The following MAGI2 variants were observed in gnomAD, a reference collection of about 807,000 sequenced individuals.
MAGI2 encodes membrane associated guanylate kinase, WW and PDZ domain containing 2.
In MAGI2, 35 loss-of-function variants were observed where a neutral mutation model predicts 133.3. The observed-to-expected ratio is 0.26, with a 90% confidence interval of 0.20 to 0.35. MAGI2 has a LOEUF of 0.35. Ranked by LOEUF, MAGI2 falls within the 10% of genes least tolerant of loss-of-function variation. The pLI is 1.00. For missense variants in MAGI2, 1,636 were observed against 1,863.4 expected (o/e 0.88, Z 2.25); for synonymous variants, 729 against 710.6 (o/e 1.03, Z -0.41).
chr7:78,564,727 G>C (rs1584653927), intron 3 of MAGI2, among the ~76,000 whole-genome samples: 1 of 140,822 alleles, frequency 7.1e-6, no homozygotes. Context: ...TGAATTCCAA[G>C]TATAACATTA....
intron 12 of MAGI2, among the ~76,000 whole-genome samples, chr7:78,191,762 T>G (rs1828234685): frequency 6.6e-6 from 1 of 152,234 alleles, no homozygotes. Context: ...CCTGTCATGT[T>G]CTGTTTCACG....
intron 11 of MAGI2, among the ~76,000 whole-genome samples, chr7:78,198,594 G>C (rs772128603): frequency 7.8e-4 from 119 of 152,112 alleles, no homozygotes; most frequent in Non-Finnish European, 1.3e-3. Flanking sequence ...ACCATGCCCA[G>C]CTAGTTTTTG....
intron 2 of MAGI2, among the ~76,000 whole-genome samples, chr7:78,773,887 T>C (rs1825784210): frequency 6.6e-6 from 1 of 152,216 alleles, no homozygotes; most frequent in Admixed American, 6.5e-5. Flanking sequence ...TTTACAAAGA[T>C]TATTTTAGCA....
chr7:79,217,030 T>C (rs1388445243), intron 1 of MAGI2, among the ~76,000 whole-genome samples: 1 of 152,106 alleles, frequency 6.6e-6, no homozygotes, highest in Non-Finnish European at 1.5e-5. Flanking sequence ...TGTTAGACAG[T>C]TTATGATAAG....
chr7:78,396,897 G>A (rs1256040856), intron 6 of MAGI2, among the ~76,000 whole-genome samples: 1 of 152,026 alleles, frequency 6.6e-6, no homozygotes, highest in East Asian at 1.9e-4. Flanking sequence ...GTTCAATATC[G>A]GGTCGAGTGG....
intron 2 of MAGI2, among the ~76,000 whole-genome samples, chr7:78,872,109 A>G (rs1490194247): frequency 6.6e-6 from 1 of 151,820 alleles, no homozygotes; most frequent in African/African-American, 2.4e-5. Flanking sequence ...TCCAAAACAA[A>G]CAAACAAACA....
chr7:78,200,895 C>T (rs1829191134), intron 11 of MAGI2, among the ~76,000 whole-genome samples: 1 of 152,050 alleles, frequency 6.6e-6, no homozygotes, highest in South Asian at 2.1e-4. Context: ...AAAGTATTTT[C>T]ATTACATTAG....
At chr7:79,149,096 GTAATA>G (rs1294931698) in intron 1 of MAGI2, among the ~76,000 whole-genome samples, 22 of 141,202 alleles carry the variant, frequency 1.6e-4, no homozygotes, top group Admixed American at 5.1e-4. Context: ...ATTTTTATAT[GTAATA>G]TAATATATTA....
Position 78,966,140 on chromosome 7 carries a change from G to A in MAGI2, c.418+40950C>T, listed in dbSNP as rs549852693. Among the ~76,000 whole-genome samples, 8 of 152,182 alleles carry A rather than the reference G, an allele frequency of 5.3e-5. No homozygotes were observed. The South Asian group carries it at 1.2e-3, about 24-fold the overall frequency. ...GTGCTTAGGAGAGATAGAAATAACTGTTTTACAAAGCAAATATAAAACTTA... is the reference window on the plus strand; with the variant it reads ...GTGCTTAGGAGAGATAGAAATAACTATTTTACAAAGCAAATATAAAACTTA... On this transcript the variant is annotated intron_variant, in intron 2 of 21. Transcript: ENST00000354212.
intron 2 of MAGI2, among the ~76,000 whole-genome samples, chr7:78,808,419 G>A (rs1315429370): frequency 3.9e-5 from 6 of 151,994 alleles, no homozygotes; most frequent in Non-Finnish European, 2.9e-5. Context: ...ACCACGCCTG[G>A]CTAATTTTTT....
chr7:78,956,577 A>G (rs1802396981), intron 2 of MAGI2, among the ~76,000 whole-genome samples: 1 of 152,030 alleles, frequency 6.6e-6, no homozygotes, highest in Non-Finnish European at 1.5e-5. Context: ...CCTACATTCT[A>G]TTTTCTAAGT....
chr7:78,039,388 G>C (rs781667576), intron 21 of MAGI2, among the ~76,000 whole-genome samples: 7 of 152,250 alleles, frequency 4.6e-5, no homozygotes, highest in Admixed American at 1.3e-4. Flanking sequence ...TCAAGAGAGA[G>C]TCTGTGACTT....
At chr7:78,626,408 G>C (rs536113270) in intron 3 of MAGI2, among the ~76,000 whole-genome samples, 1 of 152,180 alleles carries the variant, frequency 6.6e-6, no homozygotes, top group East Asian at 1.9e-4. Context: ...TTACAGATGA[G>C]ACAACTAAGG....
intron 2 of MAGI2, among the ~76,000 whole-genome samples, chr7:78,882,909 C>T (rs1795987122): frequency 6.6e-6 from 1 of 151,940 alleles, no homozygotes; most frequent in African/African-American, 2.4e-5. Context: ...TCATACTGAA[C>T]AGGAAAAAGC....
At chr7:78,277,199 G>T (rs1168607672) in intron 9 of MAGI2, among the ~76,000 whole-genome samples, 1 of 152,052 alleles carries the variant, frequency 6.6e-6, no homozygotes, top group African/African-American at 2.4e-5. Context: ...GTAAAATATA[G>T]TCCTTGATCT....
At position 79,174,775 on chromosome 7, in the gene MAGI2, A is replaced by G. The variant is rs1034284790; in HGVS notation, c.302-167569T>C. On this transcript the variant is annotated intron_variant, in intron 1 of 21. Coordinates refer to ENST00000354212, the MANE Select transcript of MAGI2 (RefSeq NM_012301.4). ...GTAGAAAAAATATATAACTGAATAC[A>G]AAATGTTTACTTTCAAAAAAGTAAT... 3.9e-5 allele frequency among the ~76,000 whole-genome samples: 6 copies of G among 152,090 alleles called. No individual in the cohort carries two copies. The East Asian group carries it at 7.7e-4, about 20-fold the overall frequency.
In MAGI2 at chr7:79,409,498, T is replaced by C. The variant is rs768884424; in HGVS notation, c.301+43522A>G. On this transcript the variant is annotated intron_variant, in intron 1 of 21. Coordinates refer to ENST00000354212, the MANE Select transcript of MAGI2 (RefSeq NM_012301.4). Reference sequence around the variant, plus strand: ...TTCGTTTCCTTTCTTTTCTTCTCATTACATTAAAGTGATTGCTACAACAAA... The same window carrying C: ...TTCGTTTCCTTTCTTTTCTTCTCATCACATTAAAGTGATTGCTACAACAAA... Among the ~76,000 whole-genome samples the C allele has an allele frequency of 7.9e-5, 12 of 152,110 alleles. No homozygotes were observed. The South Asian group carries it at 2.5e-3, about 32-fold the overall frequency.
At chr7:79,087,464 T>C (rs1166200574) in intron 1 of MAGI2, among the ~76,000 whole-genome samples, 1 of 151,996 alleles carries the variant, frequency 6.6e-6, no homozygotes, top group Non-Finnish European at 1.5e-5. Context: ...ACATAAGTAT[T>C]TTATAATGAA....
intron 7 of MAGI2, among the ~76,000 whole-genome samples, chr7:78,365,745 T>A (rs1036060325): frequency 7.2e-5 from 11 of 152,198 alleles, no homozygotes; most frequent in Non-Finnish European, 1.2e-4. Context: ...AGTGGCATAG[T>A]AGGGTAAAGT....
Sources: allele counts gnomAD v4.1 joint callset (sites outside exome capture counted in the v4.1 genomes callset), GRCh38; gene constraint gnomAD v4.1.1; transcripts MANE v1.5; gene names NCBI Gene and HGNC (gene_info 2026-07-23, HGNC 2026-07-21).